The following ARTN variants were observed in gnomAD, a reference collection of about 807,000 sequenced individuals.
ARTN encodes neublastin.
A neutral mutation model predicts 15.4 loss-of-function variants in ARTN; 9 were observed. The ratio of observed to expected loss-of-function variants is 0.58; its 90% CI spans 0.35 to 1.02. ARTN has a LOEUF of 1.02. Ranked by LOEUF, ARTN falls within the 50% of genes least tolerant of loss-of-function variation. The probability of loss-of-function intolerance (pLI) is 0.02; values close to 1 mark genes in which losing one functional copy is unlikely to be tolerated. For missense variants in ARTN, 284 were observed against 327.9 expected (o/e 0.87, Z 1.03); for synonymous variants, 163 against 155.8 (o/e 1.05, Z -0.35).
At position 43,935,665 on chromosome 1, in the gene ARTN, T is replaced by C. The variant is rs770835502; in HGVS notation, c.9T>C (p.Leu3=). Residue 3 remains leucine, a synonymous_variant, in exon 3 of 5, where the codon CTT becomes CTC. Transcript: ENST00000372359. ...TCCTGGTGTTGATAGAGATGGAACT[T>C]GGACTTGGAGGCCTCTCCACGCTGT... is the stretch of plus-strand genomic sequence containing the variant. ME[L]GLGGLSTLSH... 8 of 1,613,448 alleles carry C rather than the reference T, an allele frequency of 5.0e-6. No individual in the cohort carries two copies. The Admixed American group carries it at 1.2e-4, about 24-fold the overall frequency.
intron 3 of ARTN, 170 bp downstream of exon 3, chr1:43,935,886 T>A: frequency 1.1e-6 from 1 of 890,864 alleles, no homozygotes; most frequent in Non-Finnish European, 1.8e-6. Context: ...GTCGGTGCAC[T>A]CAGGTGATTC....
At chr1:43,934,348 T>A (rs1427122904) in intron 2 of ARTN, 88 bp downstream of exon 2, 1 of 152,648 alleles carries the variant, frequency 6.6e-6, no homozygotes, top group Non-Finnish European at 1.5e-5. Flanking sequence ...GGGCCTGAGC[T>A]GCCCTCAAGA....
chr1:43,936,183 C>G lies in ARTN; in HGVS notation c.151C>G (p.Arg51Gly), dbSNP rs2085091405. 4 of 1,536,676 alleles carry G rather than the reference C, an allele frequency of 2.6e-6. No individual in the cohort carries two copies. The highest frequency in any genetic ancestry group is 1.2e-5 in the South Asian group (1 of 84,886). ...CTCCGCGCCCCGCAGCCCTGCCCCC[C>G]GCGAAGGCCCCCCGCCTGTCCTGGC... ...LGSAPRSPAP[R>G]EGPPPVLASP... The change falls in exon 4 of 5, where the codon CGC becomes GGC. Residue 51 changes from arginine to glycine, a missense_variant. By Grantham distance (125) the Arg-to-Gly change is moderately radical. Coordinates refer to ENST00000372359, the MANE Select transcript of ARTN (RefSeq NM_057091.3). The surrounding 1 kb of genome is among the most constrained non-coding windows in gnomAD (Gnocchi z 6.6).
chr1:43,935,511 G>GC, intron 2 of ARTN, 79 bp from the exon 3 acceptor site: 1 of 761,394 alleles, frequency 1.3e-6, no homozygotes, highest in South Asian at 1.6e-5. Context: ...AGCTGTGTAG[G>GC]CCCCTTGTTC....
Position 43,936,763 on chromosome 1 carries a change from T to C in ARTN, c.661T>C (p.Ter221ArgextTer72). 1 of 1,495,434 alleles carries C rather than the reference T, an allele frequency of 6.7e-7. No individual in the cohort carries two copies. The allele number at this position is 1,495,434 out of a possible 1,614,324, so 92.6% of individuals were successfully genotyped here. A position where few individuals can be genotyped will look rare whatever the true frequency, so the allele number is the denominator to read the frequency against. ...LSATACGCLG[*>R] ...CGCCACCGCCTGCGGCTGCCTGGGC[T>C]GAGGGCTCGCTCCAGGGCTTTGCAG... Residue 221 changes from the stop codon to arginine (R), a stop_lost, in exon 5 of 5, where the codon TGA becomes CGA. Transcript: ENST00000372359. The surrounding 1 kb of genome is among the most constrained non-coding windows in gnomAD (Gnocchi z 6.6).
At position 43,936,919 on chromosome 1, in the gene ARTN, G is replaced by C. The variant is rs148086985; in HGVS notation, c.*154G>C. On this transcript the variant is annotated 3_prime_UTR_variant, in exon 5 of 5. Coordinates refer to ENST00000372359, the MANE Select transcript of ARTN (RefSeq NM_057091.3). This position sits in a 1 kb window ranked among gnomAD's most constrained non-coding sequence, Gnocchi z 6.6. ...CCGGTGGGTGATGGATATCATCCCC[G>C]AACAGGTGAAGGGACAACTGACTAG... The C allele has an allele frequency of 9.2e-7, 1 of 1,090,408 alleles. No individual in the cohort carries two copies. The highest frequency in any genetic ancestry group is 1.2e-6 in the Non-Finnish European group (1 of 840,578). The allele number at this position is 1,090,408 out of a possible 1,614,324, so 67.5% of individuals were successfully genotyped here.
chr1:43,936,258 C>A lies in ARTN; in HGVS notation c.199+27C>A, dbSNP rs754764893. 25 of 1,405,056 alleles carry A rather than the reference C, an allele frequency of 1.8e-5. No individual in the cohort carries two copies. In the South Asian group the frequency reaches 3.6e-4, roughly 20 times the overall value. 87.0% of individuals were successfully genotyped at this position (1,405,056 alleles called of 1,614,324 possible). On this transcript the variant is annotated intron_variant, in intron 4 of 4. Coordinates refer to ENST00000372359, the MANE Select transcript of ARTN (RefSeq NM_057091.3). The surrounding 1 kb of genome is among the most constrained non-coding windows in gnomAD (Gnocchi z 6.6). ...TAGGTGAGAGGGCGAGGGGGCGGGG[C>A]GGGGCTGGCCCGGGACACCGCGCGT...
chr1:43,935,814 G>A (rs1332175456), intron 3 of ARTN, 98 bp downstream of exon 3: 1 of 1,258,074 alleles, frequency 7.9e-7, no homozygotes, highest in Non-Finnish European at 1.1e-6. Context: ...GTTAGGTGTG[G>A]GAGGGAAAAT....
chr1:43,934,637 A>T (rs2085072541), intron 2 of ARTN: 1 of 152,646 alleles, frequency 6.6e-6, no homozygotes, highest in East Asian at 1.9e-4. Context: ...CTAGGGCCCC[A>T]AAAGGGTGTT....
Position 43,936,328 on chromosome 1 carries a change from G to C in ARTN, c.226G>C (p.Gly76Arg). ...PGGRTARWCS[G>R]RARRPPPQPS... ...GGGACGCACGGCCCGCTGGTGCAGT[G>C]GAAGAGCCCGGCGGCCGCCGCCGCA... The change falls in exon 5 of 5, where the codon GGA (glycine) becomes CGA (arginine). Residue 76 changes from glycine to arginine, a missense_variant. Gly to Arg is a moderately radical substitution (Grantham distance 125). Coordinates refer to ENST00000372359, the MANE Select transcript of ARTN (RefSeq NM_057091.3). This position sits in a 1 kb window ranked among gnomAD's most constrained non-coding sequence, Gnocchi z 6.6. 7.5e-7 allele frequency: 1 copy of C among 1,340,954 alleles called. No homozygotes were observed. Among genetic ancestry groups the C allele is most frequent in the South Asian group, 1.9e-5 (1 of 51,308 alleles). The allele number at this position is 1,340,954 out of a possible 1,614,324, so 83.1% of individuals were successfully genotyped here.
chr1:43,936,875 C>T lies in ARTN; in HGVS notation c.*110C>T, dbSNP rs927373784. ...CGGCCTCAGCCAGGGACGAAGGCCT[C>T]AAAGCTGAGAGGCCCCTGCCGGTGG... On this transcript the variant is annotated 3_prime_UTR_variant, in exon 5 of 5. Coordinates refer to ENST00000372359, the MANE Select transcript of ARTN (RefSeq NM_057091.3). The surrounding 1 kb of genome is among the most constrained non-coding windows in gnomAD (Gnocchi z 6.6). The T allele has an allele frequency of 1.5e-6, 2 of 1,304,108 alleles. No homozygotes were observed. Among genetic ancestry groups the T allele is most frequent in the Non-Finnish European group, 9.8e-7 (1 of 1,020,310 alleles). 80.8% of individuals were successfully genotyped at this position (1,304,108 alleles called of 1,614,324 possible). A position where few individuals can be genotyped will look rare whatever the true frequency, so the allele number is the denominator to read the frequency against.
At chr1:43,934,439 C>G (rs1324180231) in intron 2 of ARTN, 179 bp downstream of exon 2, 1 of 152,532 alleles carries the variant, frequency 6.6e-6, no homozygotes, top group African/African-American at 2.4e-5. Context: ...GGACAACAGT[C>G]ACTGGCCTGG....
chr1:43,936,660 C>A lies in ARTN; in HGVS notation c.558C>A (p.Pro186=). Residue 186 remains proline (P), a synonymous_variant, in exon 5 of 5, where the codon CCC becomes CCA. Coordinates refer to ENST00000372359, the MANE Select transcript of ARTN (RefSeq NM_057091.3). This position sits in a 1 kb window ranked among gnomAD's most constrained non-coding sequence, Gnocchi z 6.6. ...PPPGSRPVSQ[P]CCRPTRYEAV... ...CGGGCTCCCGGCCCGTCAGCCAGCC[C>A]TGCTGCCGACCCACGCGCTACGAAG... 1 of 1,596,934 alleles carries A rather than the reference C, an allele frequency of 6.3e-7. No individual in the cohort carries two copies. The highest frequency in any genetic ancestry group is 2.3e-5 in the East Asian group (1 of 43,736).
chr1:43,936,068 G>T lies in ARTN; in HGVS notation c.61-25G>T, dbSNP rs1219858531. The T allele has an allele frequency of 1.9e-6, 3 of 1,613,202 alleles. No homozygotes were observed. The highest frequency in any genetic ancestry group is 2.7e-5 in the African/African-American group (2 of 74,924). On this transcript the variant is annotated intron_variant, in intron 3 of 4. Coordinates refer to ENST00000372359, the MANE Select transcript of ARTN (RefSeq NM_057091.3). The surrounding 1 kb of genome is among the most constrained non-coding windows in gnomAD (Gnocchi z 6.6). ...ACCTGGGTGCCCTCTTTCTCCCTGA[G>T]GCTCCACTTGGTCTCTCCGCGCAGC...
At position 43,936,608 on chromosome 1, in the gene ARTN, T is replaced by G. The variant is rs1210870058; in HGVS notation, c.506T>G (p.Leu169Arg). The G allele has an allele frequency of 7.5e-6, 12 of 1,592,000 alleles. No homozygotes were observed. Among genetic ancestry groups the G allele is most frequent in the Non-Finnish European group, 1.0e-5 (12 of 1,170,184 alleles). ...CACGACCTCAGCCTGGCCAGCCTACTGGGCGCCGGGGCCCTGCGACCGCCC... is the reference window on the plus strand; with the variant it reads ...CACGACCTCAGCCTGGCCAGCCTACGGGGCGCCGGGGCCCTGCGACCGCCC... Reference protein sequence around the residue: ...SPHDLSLASLLGAGALRPPPG... With the variant: ...SPHDLSLASLRGAGALRPPPG... The change falls in exon 5 of 5, where the codon CTG (leucine) becomes CGG (arginine). Residue 169 changes from leucine (L) to arginine (R), a missense_variant. Physicochemically the swap from Leu to Arg is moderately radical, Grantham distance 102 (BLOSUM62 -2). Coordinates refer to ENST00000372359, the MANE Select transcript of ARTN (RefSeq NM_057091.3). The surrounding 1 kb of genome is among the most constrained non-coding windows in gnomAD (Gnocchi z 6.6).
rs2085093271 is a variant in ARTN, at chr1:43,936,273, A to T, written c.200-29A>T. The T allele has an allele frequency of 7.2e-7, 1 of 1,388,208 alleles. No individual in the cohort carries two copies. 86.0% of individuals were successfully genotyped at this position (1,388,208 alleles called of 1,614,324 possible). ...GGGGGCGGGGCGGGGCTGGCCCGGG[A>T]CACCGCGCGTGACTGGGTCTCATTC... On this transcript the variant is annotated intron_variant, in intron 4 of 4. Transcript: ENST00000372359. The surrounding 1 kb of genome is among the most constrained non-coding windows in gnomAD (Gnocchi z 6.6).
Position 43,936,071 on chromosome 1 carries a change from T to A in ARTN, c.61-22T>A. 6.2e-7 allele frequency: 1 copy of A among 1,613,306 alleles called. No homozygotes were observed. Among genetic ancestry groups the A allele is most frequent in the Non-Finnish European group, 8.5e-7 (1 of 1,179,926 alleles). On this transcript the variant is annotated intron_variant, in intron 3 of 4. Coordinates refer to ENST00000372359, the MANE Select transcript of ARTN (RefSeq NM_057091.3). The surrounding 1 kb of genome is among the most constrained non-coding windows in gnomAD (Gnocchi z 6.6). The stretch of plus-strand genomic sequence containing the variant: ...TGGGTGCCCTCTTTCTCCCTGAGGC[T>A]CCACTTGGTCTCTCCGCGCAGCCTG...
rs373484831 is a variant in ARTN, at chr1:43,936,662, G to A, written c.560G>A (p.Cys187Tyr). 29 of 1,596,574 alleles carry A rather than the reference G, an allele frequency of 1.8e-5. No individual in the cohort carries two copies. The African/African-American group carries it at 3.1e-4, about 17-fold the overall frequency. The change falls in exon 5 of 5, where the codon TGC becomes TAC. Residue 187 changes from cysteine to tyrosine, a missense_variant. By Grantham distance (194) the Cys-to-Tyr change is radical (BLOSUM62 -2). Transcript: ENST00000372359. This position sits in a 1 kb window ranked among gnomAD's most constrained non-coding sequence, Gnocchi z 6.6. ...GGCTCCCGGCCCGTCAGCCAGCCCT[G>A]CTGCCGACCCACGCGCTACGAAGCG... is the stretch of plus-strand genomic sequence containing the variant. ...PPGSRPVSQP[C>Y]CRPTRYEAVS...
chr1:43,935,911 CAGA>C, intron 3 of ARTN, 179 bp from the exon 4 acceptor site: 1 of 961,252 alleles, frequency 1.0e-6, no homozygotes, highest in Non-Finnish European at 1.6e-6. Flanking sequence ...CCTGGGCTCC[CAGA>C]GGCAGCAAAC....
Sources: allele counts gnomAD v4.1 joint callset, GRCh38; gene constraint gnomAD v4.1.1; non-coding constraint Gnocchi (gnomAD v3.1); transcripts MANE v1.5; gene names NCBI Gene and HGNC (gene_info 2026-07-23, HGNC 2026-07-21).